The following SAMD7 variants were observed in gnomAD, a reference collection of about 807,000 sequenced individuals.
SAMD7 encodes the protein sterile alpha motif domain containing 7.
A neutral mutation model predicts 36.7 loss-of-function variants in SAMD7; 34 were observed. The observed-to-expected ratio is 0.93, with a 90% CI of 0.71 to 1.23. The LOEUF (loss-of-function observed/expected upper bound fraction) is 1.23, where lower values mean the gene tolerates loss of function less well. SAMD7 is among the 50% of genes most tolerant of loss of function. SAMD7 has a pLI of 0.00. For missense variants in SAMD7, 570 were observed against 546.6 expected (o/e 1.04, Z -0.43); for synonymous variants, 188 against 189.7 (o/e 0.99, Z 0.07).
chr3:169,938,642 G>A lies in SAMD7; in HGVS notation c.*136G>A. Reference sequence around the variant, plus strand: ...CAGCCTTTCTGGGGCTTTCATGGAGGAGACTTGCCCAAGGGGCTTCCCTGC... The same window carrying A: ...CAGCCTTTCTGGGGCTTTCATGGAGAAGACTTGCCCAAGGGGCTTCCCTGC... On this transcript the variant is annotated 3_prime_UTR_variant, in exon 9 of 9. Transcript: ENST00000335556. The A allele has an allele frequency of 1.6e-6, 1 of 609,826 alleles. No homozygotes were observed. The highest frequency in any genetic ancestry group is 2.4e-5 in the South Asian group (1 of 41,720). The allele number at this position is 609,826 out of a possible 1,614,324, so 37.8% of individuals were successfully genotyped here. A position where few individuals can be genotyped will look rare whatever the true frequency, so the allele number is the denominator to read the frequency against.
Position 169,938,514 on chromosome 3 carries a change from C to G in SAMD7, c.*8C>G, listed in dbSNP as rs1713806658. ...GGTAGTATGAGAAACTAAAAGCCCT[C>G]AAGGAGGAAGAATAGTCTTAGCCAG... On this transcript the variant is annotated 3_prime_UTR_variant, in exon 9 of 9. Coordinates refer to ENST00000335556, the MANE Select transcript of SAMD7 (RefSeq NM_001304366.2). 6.3e-7 allele frequency: 1 copy of G among 1,582,048 alleles called. No individual in the cohort carries two copies. The highest frequency in any genetic ancestry group is 8.7e-7 in the Non-Finnish European group (1 of 1,155,124).
chr3:169,926,625 C>A lies in SAMD7; in HGVS notation c.363C>A (p.Gly121=). The A allele has an allele frequency of 6.2e-7, 1 of 1,613,840 alleles. No homozygotes were observed. Residue 121 remains glycine, a synonymous_variant, in exon 6 of 9, where the codon GGC becomes GGA. Transcript: ENST00000335556. ...MEKINPKGLA[G]LGIPFLYGSS... is the part of the protein sequence containing the mutation. ...AAATTAATCCCAAGGGACTAGCAGGCCTAGGGATACCCTTCCTCTATGGCT... is the reference window on the plus strand; with the variant it reads ...AAATTAATCCCAAGGGACTAGCAGGACTAGGGATACCCTTCCTCTATGGCT...
At chr3:169,921,404 T>C in intron 4 of SAMD7, 66 bp downstream of exon 4, 2 of 1,537,302 alleles carry the variant, frequency 1.3e-6, no homozygotes, top group Non-Finnish European at 9.0e-7. Flanking sequence ...TGCATTAAGT[T>C]TGCCATCAAA....
At chr3:169,914,087 C>T (rs896727769) in intron 1 of SAMD7, among the ~76,000 whole-genome samples, 3 of 152,166 alleles carry the variant, frequency 2.0e-5, no homozygotes, top group Non-Finnish European at 2.9e-5. Flanking sequence ...AGTGAATCCA[C>T]ATGTAAACTA....
intron 2 of SAMD7, among the ~76,000 whole-genome samples, chr3:169,916,913 A>C (rs1471368237): frequency 6.6e-6 from 1 of 152,134 alleles, no homozygotes; most frequent in Non-Finnish European, 1.5e-5. Context: ...TAGAGTTATG[A>C]GCCCAGCCCA....
rs534823106 is a variant in SAMD7 at position 169,933,118 on chromosome 3, G to A, written c.1042-3221G>A. The stretch of plus-strand genomic sequence containing the variant: ...CTCTCCCCAGTGCTCTCTGATCCTC[G>A]TCTGGACGCCATGGACCAGTGGCTC... On this transcript the variant is annotated intron_variant, in intron 7 of 8. Transcript: ENST00000335556. 2.7e-4 allele frequency: 226 copies of A among 840,472 alleles called. 1 individual carries two copies. The highest frequency in any genetic ancestry group is 4.6e-4 in the East Asian group (18 of 38,786). 52.1% of individuals were successfully genotyped at this position (840,472 alleles called of 1,614,324 possible).
chr3:169,927,459 TA>T (rs1713324500), intron 6 of SAMD7, among the ~76,000 whole-genome samples: 1 of 151,938 alleles, frequency 6.6e-6, no homozygotes. Flanking sequence ...CACGCCCGGC[TA>T]ATTTTTTTGT....
intron 1 of SAMD7, among the ~76,000 whole-genome samples, chr3:169,914,263 C>A (rs1712712103): frequency 6.6e-6 from 1 of 152,120 alleles, no homozygotes; most frequent in African/African-American, 2.4e-5. Flanking sequence ...CTGAAAACTT[C>A]TCTGAAAAAT....
chr3:169,932,395 G>A (rs1247589617), intron 7 of SAMD7: 7 of 640,206 alleles, frequency 1.1e-5, no homozygotes, highest in Non-Finnish European at 2.1e-5. Flanking sequence ...GTATAGCCGA[G>A]ACTATGTAGT....
rs982794128 is a variant in SAMD7, at chr3:169,914,282, A to G, written c.-116-1085A>G. Among the ~76,000 whole-genome samples the G allele has an allele frequency of 9.2e-5, 14 of 152,326 alleles. No homozygotes were observed. The South Asian group carries it at 1.2e-3, about 14-fold the overall frequency. On this transcript the variant is annotated intron_variant, in intron 1 of 8. Coordinates refer to ENST00000335556, the MANE Select transcript of SAMD7 (RefSeq NM_001304366.2). ...AAACTTCTCTGAAAAATAAAAGTTA[A>G]AACTATGTAATTTGAGGTATGTGCA...
At position 169,925,040 on chromosome 3, in the gene SAMD7, G is replaced by A. The variant is rs776319226; in HGVS notation, c.212-18G>A. On this transcript the variant is annotated intron_variant, in intron 4 of 8. Transcript: ENST00000335556. ...TTTAATTTATTTGTGGGGTGGGATG[G>A]TGGTTTTCTTTTTTAAGGTTGGGGC... 51 of 1,527,424 alleles carry A rather than the reference G, an allele frequency of 3.3e-5. No individual in the cohort carries two copies. Among genetic ancestry groups the A allele is most frequent in the Non-Finnish European group, 4.3e-5 (48 of 1,109,368 alleles). The allele number at this position is 1,527,424 out of a possible 1,614,324, so 94.6% of individuals were successfully genotyped here.
chr3:169,927,184 G>T lies in SAMD7; in HGVS notation c.919+3G>T. The T allele has an allele frequency of 6.6e-7, 1 of 1,520,336 alleles. No homozygotes were observed. Among genetic ancestry groups the T allele is most frequent in the South Asian group, 1.4e-5 (1 of 73,820 alleles). The allele number at this position is 1,520,336 out of a possible 1,614,324, so 94.2% of individuals were successfully genotyped here. On this transcript the variant is annotated splice_donor_region_variant and intron_variant, in intron 6 of 8. Coordinates refer to ENST00000335556, the MANE Select transcript of SAMD7 (RefSeq NM_001304366.2). ...AGTTCCTCGACCATCTCTGCCAGGT[G>T]GGTGTCCAGGGGCCAATGGCAGATC...
chr3:169,921,946 T>C (rs866665862), intron 4 of SAMD7, among the ~76,000 whole-genome samples: 11 of 152,148 alleles, frequency 7.2e-5, no homozygotes, highest in Non-Finnish European at 1.6e-4. Flanking sequence ...ATTTTGATTG[T>C]AGAAACAACA....
At chr3:169,921,703 T>C (rs1045500503) in intron 4 of SAMD7, among the ~76,000 whole-genome samples, 7 of 152,168 alleles carry the variant, frequency 4.6e-5, no homozygotes, top group Non-Finnish European at 8.8e-5. Context: ...TTGGCTTTTA[T>C]TCTGAGTAAA....
rs754622917 is a variant in SAMD7 at position 169,927,179 on chromosome 3, C to A, written c.917C>A (p.Pro306Gln). The change falls in exon 6 of 9, where the codon CCA becomes CAA. Residue 306 changes from proline (P) to glutamine (Q), a missense_variant and splice_region_variant. Physicochemically the swap from Pro to Gln is moderately conservative, Grantham distance 76. Transcript: ENST00000335556. ...VCPPVPRPSLPGTHALVTIGG... is the reference protein window; with the variant it reads ...VCPPVPRPSLQGTHALVTIGG... The stretch of plus-strand genomic sequence containing the variant: ...CCTCCAGTTCCTCGACCATCTCTGC[C>A]AGGTGGGTGTCCAGGGGCCAATGGC... The A allele has an allele frequency of 6.6e-7, 1 of 1,523,516 alleles. No individual in the cohort carries two copies. 94.4% of individuals were successfully genotyped at this position (1,523,516 alleles called of 1,614,324 possible).
At chr3:169,928,907 C>T (rs1713379211) in intron 7 of SAMD7, among the ~76,000 whole-genome samples, 1 of 152,176 alleles carries the variant, frequency 6.6e-6, no homozygotes, top group Non-Finnish European at 1.5e-5. Flanking sequence ...CGACTACATT[C>T]CCTACTTATC....
Position 169,921,233 on chromosome 3 carries a change from G to A in SAMD7, c.106G>A (p.Val36Ile), listed in dbSNP as rs772594842. The A allele has an allele frequency of 1.7e-5, 28 of 1,613,618 alleles. No homozygotes were observed. The highest frequency in any genetic ancestry group is 3.3e-4 in the Middle Eastern group (2 of 6,062). ...TVDRDVLPST[V>I]APTDPRQFCV... is the part of the protein sequence containing the mutation. ...TCTCAGAGATGTATTGCCTTCCACCGTAGCTCCAACTGACCCAAGACAGTT... is the reference window on the plus strand; with the variant it reads ...TCTCAGAGATGTATTGCCTTCCACCATAGCTCCAACTGACCCAAGACAGTT... Residue 36 changes from valine (V) to isoleucine (I), a missense_variant, in exon 4 of 9, where the codon GTA (valine) becomes ATA (isoleucine). Coordinates refer to ENST00000335556, the MANE Select transcript of SAMD7 (RefSeq NM_001304366.2).
intron 2 of SAMD7, among the ~76,000 whole-genome samples, chr3:169,915,889 T>A (rs1287519137): frequency 1.3e-5 from 2 of 152,072 alleles, no homozygotes; most frequent in East Asian, 3.9e-4. Flanking sequence ...GAGCCCTATA[T>A]TTTTAAAAAT....
At chr3:169,933,683 A>G (rs1210380408) in intron 7 of SAMD7, among the ~76,000 whole-genome samples, 1 of 152,214 alleles carries the variant, frequency 6.6e-6, no homozygotes, top group African/African-American at 2.4e-5. Context: ...CCAGTACAGG[A>G]GCTTTCCAAG....
Sources: gnomAD v4.1 joint callset for allele counts (sites outside exome capture counted in the v4.1 genomes callset) on GRCh38, gnomAD v4.1.1 for gene constraint, MANE v1.5 for transcripts, NCBI Gene and HGNC (gene_info 2026-07-23, HGNC 2026-07-21) for gene names.